The following DPP6 variants were observed in gnomAD, a reference collection of about 807,000 sequenced individuals.
DPP6 encodes dipeptidyl peptidase like 6, also known as A-type potassium channel modulatory protein DPP6.
Under a neutral mutation model 122.6 loss-of-function variants are expected in DPP6, and 69 were observed. The observed-to-expected ratio is 0.56, with a 90% CI of 0.46 to 0.69. DPP6 has a LOEUF of 0.69. Ranked by LOEUF, DPP6 falls within the 30% of genes least tolerant of loss-of-function variation. The pLI is 0.00. For synonymous variants in DPP6, 418 were observed against 433.1 expected (o/e 0.97, Z 0.43); for missense variants, 928 against 1,116.9 (o/e 0.83, Z 2.41).
the DPP6 span, among the ~76,000 whole-genome samples, chr7:153,874,653 G>GGT: frequency 6.6e-6 from 1 of 152,212 alleles, no homozygotes; most frequent in African/African-American, 2.4e-5. Flanking sequence ...TGGGATTACA[G>GGT]GTGTGAGCCA....
Position 154,430,048 on chromosome 7 carries a change from C to T in DPP6, c.244-16166C>T, listed in dbSNP as rs555298106. Among the ~76,000 whole-genome samples the T allele has an allele frequency of 2.9e-4, 44 of 152,234 alleles. 1 individual carries two copies. Among genetic ancestry groups the T allele is most frequent in the African/African-American group, 1.0e-3 (42 of 41,532 alleles). Reference sequence around the variant, plus strand: ...TCCATCCACCCTCCCAGTTCTCAGCCTTTGAAGGTGAGAAGCTCCTCTTCT... The same window carrying T: ...TCCATCCACCCTCCCAGTTCTCAGCTTTTGAAGGTGAGAAGCTCCTCTTCT... On this transcript the variant is annotated intron_variant, in intron 1 of 25. Transcript: ENST00000377770.
the DPP6 span, among the ~76,000 whole-genome samples, chr7:153,817,385 A>G: frequency 4.8e-4 from 68 of 140,466 alleles, 2 homozygotes; most frequent in African/African-American, 1.7e-3. Flanking sequence ...TAAAATCCAC[A>G]TGAATTAAAG....
chr7:153,794,647 T>G, the DPP6 span, among the ~76,000 whole-genome samples: 1 of 152,106 alleles, frequency 6.6e-6, no homozygotes, highest in African/African-American at 2.4e-5. Context: ...GGTTTTGATA[T>G]GTGAGGACAT....
At chr7:154,854,922 C>T (rs6960466) in intron 17 of DPP6, among the ~76,000 whole-genome samples, 4,525 of 152,230 alleles carry the variant, frequency 0.03, 246 homozygotes, top group African/African-American at 0.1. Context: ...CACTCCCTTC[C>T]ACATTCAGGA....
the DPP6 span, among the ~76,000 whole-genome samples, chr7:153,762,959 A>G: frequency 6.6e-6 from 1 of 152,186 alleles, no homozygotes; most frequent in African/African-American, 2.4e-5. Context: ...TTGAACAAAG[A>G]CATAGAGATT....
chr7:154,782,724 A>G (rs1179895840), intron 10 of DPP6, among the ~76,000 whole-genome samples: 1 of 152,004 alleles, frequency 6.6e-6, no homozygotes, highest in Non-Finnish European at 1.5e-5. Context: ...CCCCACCCCC[A>G]GAGTTTCAGA....
intron 1 of DPP6, among the ~76,000 whole-genome samples, chr7:154,346,215 C>G (rs1810382719): frequency 6.6e-6 from 1 of 152,280 alleles, no homozygotes; most frequent in East Asian, 1.9e-4. Flanking sequence ...AAAGGAAAGA[C>G]CATTTGGGTC....
chr7:154,693,509 T>C (rs1840046315), intron 7 of DPP6, among the ~76,000 whole-genome samples: 1 of 152,148 alleles, frequency 6.6e-6, no homozygotes, highest in Non-Finnish European at 1.5e-5. Flanking sequence ...AACTATTTCC[T>C]CAGATGCTCC....
intron 1 of DPP6, among the ~76,000 whole-genome samples, chr7:154,183,226 A>G (rs1798183220): frequency 6.6e-6 from 1 of 152,248 alleles, no homozygotes; most frequent in East Asian, 1.9e-4. Flanking sequence ...CCTCTGAGCC[A>G]CCTTTTCAGT....
At chr7:154,785,881 T>A (rs1011628886) in intron 10 of DPP6, among the ~76,000 whole-genome samples, 56 of 152,372 alleles carry the variant, frequency 3.7e-4, no homozygotes, top group African/African-American at 1.3e-3. Context: ...TTTTGTTTTT[T>A]ACCTGAAATA....
intron 7 of DPP6, among the ~76,000 whole-genome samples, chr7:154,717,280 GT>G (rs754744359): frequency 3.9e-5 from 6 of 152,074 alleles, no homozygotes; most frequent in Non-Finnish European, 7.4e-5. Flanking sequence ...ATATATTATT[GT>G]TAACCATTAT....
At chr7:154,260,753 T>A (rs1001150376) in intron 1 of DPP6, among the ~76,000 whole-genome samples, 9 of 148,072 alleles carry the variant, frequency 6.1e-5, no homozygotes, top group Non-Finnish European at 1.0e-4. Flanking sequence ...ATATATATAT[T>A]ATATATATTC....
At chr7:154,658,992 G>A (rs997692496) in intron 6 of DPP6, among the ~76,000 whole-genome samples, 1 of 152,250 alleles carries the variant, frequency 6.6e-6, no homozygotes, top group African/African-American at 2.4e-5. Context: ...TTCAGTAGGG[G>A]ATTGGAGCAG....
chr7:154,344,570 AG>A (rs1411736673), intron 1 of DPP6, among the ~76,000 whole-genome samples: 3 of 152,172 alleles, frequency 2.0e-5, no homozygotes, highest in Non-Finnish European at 4.4e-5. Context: ...TACTGCTACC[AG>A]CTGTACCAGC....
Position 154,760,668 on chromosome 7 carries a change from C to T in DPP6, c.884-8749C>T, listed in dbSNP as rs536545480. Reference sequence around the variant, plus strand: ...GTGAGAAACGAGAACATCCTTGCCACACTGGGACCTGTTTGAGCGTGAGGC... The same window carrying T: ...GTGAGAAACGAGAACATCCTTGCCATACTGGGACCTGTTTGAGCGTGAGGC... On this transcript the variant is annotated intron_variant, in intron 8 of 25. Transcript: ENST00000377770. The surrounding 1 kb of genome is among the most constrained non-coding windows in gnomAD (Gnocchi z 4.5). Among the ~76,000 whole-genome samples, 12 of 152,246 alleles carry T rather than the reference C, an allele frequency of 7.9e-5. No homozygotes were observed. In the South Asian group the frequency reaches 8.3e-4, roughly 11 times the overall value.
intron 1 of DPP6, among the ~76,000 whole-genome samples, chr7:154,042,198 G>A (rs1376182238): frequency 1.3e-5 from 2 of 152,148 alleles, no homozygotes; most frequent in Non-Finnish European, 2.9e-5. Context: ...TCTTACCAGA[G>A]AGAAAAATAA....
At chr7:153,951,231 T>C (rs1802195910) in intron 1 of DPP6, among the ~76,000 whole-genome samples, 1 of 152,096 alleles carries the variant, frequency 6.6e-6, no homozygotes, top group African/African-American at 2.4e-5. Flanking sequence ...CATTGGAGGT[T>C]AAAAAAACCC....
intron 8 of DPP6, among the ~76,000 whole-genome samples, chr7:154,747,939 T>C (rs1262581752): frequency 1.3e-5 from 2 of 152,222 alleles, no homozygotes; most frequent in Non-Finnish European, 2.9e-5. Flanking sequence ...GATTGGTTTA[T>C]AGTCACTGAG....
chr7:154,693,200 T>C (rs896193277), intron 7 of DPP6, among the ~76,000 whole-genome samples: 2 of 152,108 alleles, frequency 1.3e-5, no homozygotes, highest in South Asian at 2.1e-4. Context: ...GAGTGTGCTG[T>C]GAGTTGTGTG....
Sources: gnomAD v4.1 joint callset for allele counts (sites outside exome capture counted in the v4.1 genomes callset) on GRCh38, gnomAD v4.1.1 for gene constraint, Gnocchi (gnomAD v3.1) non-coding constraint, MANE v1.5 for transcripts, NCBI Gene and HGNC (gene_info 2026-07-23, HGNC 2026-07-21) for gene names.